Variants in FRAS1 observed in about 807,000 individuals in gnomAD.
The protein encoded by FRAS1 is Fraser extracellular matrix complex subunit 1.
A neutral mutation model predicts 435.2 loss-of-function variants in FRAS1; 290 were observed. The ratio of observed to expected loss-of-function variants is 0.67; its 90% confidence interval spans 0.61 to 0.73. FRAS1 has a LOEUF of 0.73. Among genes scored for constraint, FRAS1 ranks in the 30% least tolerant of loss-of-function variants. The pLI, the probability that FRAS1 is intolerant of heterozygous loss-of-function variation, is 0.00. For missense variants in FRAS1, 4,860 were observed against 5,001.5 expected, an observed-to-expected ratio of 0.97 and a Z score of 0.85; for synonymous variants, 1,800 against 1,851.0, an observed-to-expected ratio of 0.97 and a Z score of 0.71.
chr4:78,435,542 C>G (rs549052053), intron 38 of FRAS1, among the ~76,000 whole-genome samples: 3 of 152,254 alleles, frequency 2.0e-5, no homozygotes, highest in Admixed American at 2.0e-4. Context: ...AGTTTGAGAT[C>G]AGCCTGGCCA....
intron 20 of FRAS1, among the ~76,000 whole-genome samples, chr4:78,347,873 A>G (rs186175975): frequency 6.6e-4 from 99 of 150,648 alleles, no homozygotes; most frequent in Non-Finnish European, 1.2e-3. Context: ...TACCTTCCAC[A>G]GTGCCTCATA....
intron 4 of FRAS1, among the ~76,000 whole-genome samples, chr4:78,245,672 C>T (rs7690281): frequency 0.055 from 8,387 of 152,248 alleles, 304 homozygotes; most frequent in Non-Finnish European, 0.084. Context: ...GATGTTATTA[C>T]TCCCATGTTA....
At chr4:78,305,873 A>G (rs1266147831) in intron 14 of FRAS1, among the ~76,000 whole-genome samples, 1 of 150,524 alleles carries the variant, frequency 6.6e-6, no homozygotes, top group East Asian at 2.0e-4. Flanking sequence ...TTTAAAGTTA[A>G]TATTGTTATG....
intron 32 of FRAS1, 113 bp downstream of exon 32, chr4:78,413,198 A>G: frequency 1.8e-6 from 1 of 564,084 alleles, no homozygotes; most frequent in East Asian, 3.3e-5. Context: ...CCCAGATCAC[A>G]GACTTGGGGG....
intron 70 of FRAS1, among the ~76,000 whole-genome samples, chr4:78,532,441 T>C (rs1168010705): frequency 6.6e-6 from 1 of 152,198 alleles, no homozygotes; most frequent in Non-Finnish European, 1.5e-5. Flanking sequence ...TTGATACACA[T>C]AGTGAAATGA....
intron 2 of FRAS1, among the ~76,000 whole-genome samples, chr4:78,082,844 C>T (rs1006596932): frequency 6.6e-6 from 1 of 152,044 alleles, no homozygotes; most frequent in Non-Finnish European, 1.5e-5. Context: ...AATTAGCAGC[C>T]ATCTGATTTG....
Position 78,252,380 on chromosome 4 carries a change from C to G in FRAS1, c.310-12C>G, listed in dbSNP as rs1426151610. The G allele has an allele frequency of 6.2e-7, 1 of 1,608,032 alleles. No homozygotes were observed. Among genetic ancestry groups the G allele is most frequent in the East Asian group, 2.2e-5 (1 of 44,782 alleles). Reference sequence around the variant, plus strand: ...ACTAACCTTTTTTTTTTTCTGTCTCCCTAACACACAGCATGGGACAGAATG... The same window carrying G: ...ACTAACCTTTTTTTTTTTCTGTCTCGCTAACACACAGCATGGGACAGAATG... On this transcript the variant is annotated splice_polypyrimidine_tract_variant and intron_variant, in intron 4 of 73. Transcript: ENST00000512123.
At chr4:78,264,381 A>G (rs1279774700) in intron 6 of FRAS1, among the ~76,000 whole-genome samples, 1 of 152,240 alleles carries the variant, frequency 6.6e-6, no homozygotes, top group Admixed American at 6.5e-5. Flanking sequence ...GCTTATTCCC[A>G]GATACCTAGA....
chr4:78,157,744 T>A (rs1334205417), intron 2 of FRAS1, among the ~76,000 whole-genome samples: 9 of 152,226 alleles, frequency 5.9e-5, no homozygotes, highest in Admixed American at 5.9e-4. Flanking sequence ...TTGCAAATAT[T>A]TTCTCCCATT....
chr4:78,384,188 G>A, intron 28 of FRAS1, 45 bp downstream of exon 28: 2 of 1,264,760 alleles, frequency 1.6e-6, no homozygotes, highest in Non-Finnish European at 2.2e-6. Flanking sequence ...ATGACTACTA[G>A]TTCTCAAGCA....
chr4:78,365,745 A>AC (rs1338191824), intron 22 of FRAS1, among the ~76,000 whole-genome samples: 31 of 104,390 alleles, frequency 3.0e-4, no homozygotes, highest in Non-Finnish European at 4.5e-4. Flanking sequence ...ATTAAAAAAA[A>AC]AAAAACAAAA....
chr4:78,503,042 A>G (rs1241278019), intron 61 of FRAS1, among the ~76,000 whole-genome samples: 5 of 152,154 alleles, frequency 3.3e-5, no homozygotes, highest in Non-Finnish European at 5.9e-5. Flanking sequence ...TGTTGAACCA[A>G]CCTTGCATCC....
chr4:78,234,060 G>A (rs889313320), intron 2 of FRAS1, among the ~76,000 whole-genome samples: 8 of 152,262 alleles, frequency 5.3e-5, no homozygotes, highest in South Asian at 2.1e-4. Context: ...AGTGGGGAGC[G>A]TAAGTAAGTG....
intron 29 of FRAS1, among the ~76,000 whole-genome samples, chr4:78,394,712 T>G (rs1732587215): frequency 6.6e-6 from 1 of 152,072 alleles, no homozygotes; most frequent in African/African-American, 2.4e-5. Flanking sequence ...CATATGAATT[T>G]TAGGATTTGT....
At position 78,438,888 on chromosome 4, in the gene FRAS1, T is replaced by C; in HGVS notation, c.5367-14T>C. 1 of 1,589,320 alleles carries C rather than the reference T, an allele frequency of 6.3e-7. No homozygotes were observed. Among genetic ancestry groups the C allele is most frequent in the Non-Finnish European group, 8.5e-7 (1 of 1,171,542 alleles). ...TCGTGGCTTATTCATTTGATTCTTT[T>C]TGTTTTTTTATAGATACTCAGCTGT... On this transcript the variant is annotated splice_polypyrimidine_tract_variant and intron_variant, in intron 39 of 73. Transcript: ENST00000512123.
chr4:78,450,185 A>T lies in FRAS1; in HGVS notation c.6309A>T (p.Lys2103Asn). The change falls in exon 45 of 74, where the codon AAA (lysine) becomes AAT (asparagine). Residue 2103 changes from lysine to asparagine, a missense_variant. Transcript: ENST00000512123. ...CACGCATCACAGAACAGCACTTGAA[A>T]GTGACAGATATTGACTCAGATGACC... ...SVARITEQHL[K>N]VTDIDSDDHQ... The T allele has an allele frequency of 6.2e-7, 1 of 1,613,858 alleles. No homozygotes were observed. The highest frequency in any genetic ancestry group is 8.5e-7 in the Non-Finnish European group (1 of 1,179,792).
Position 78,317,357 on chromosome 4 carries a change from C to T in FRAS1, c.1820-11C>T, listed in dbSNP as rs117925872. 4.9e-5 allele frequency: 79 copies of T among 1,613,638 alleles called. No homozygotes were observed. The East Asian group carries it at 1.7e-3, about 35-fold the overall frequency. On this transcript the variant is annotated splice_polypyrimidine_tract_variant and intron_variant, in intron 16 of 73. Transcript: ENST00000512123. ...GTCCCATGGCGTTCTCCCTCTCACT[C>T]TCTTCCTCAGTTTGTCATAACTCAT...
intron 2 of FRAS1, among the ~76,000 whole-genome samples, chr4:78,189,481 A>G (rs1358236137): frequency 1.3e-5 from 2 of 152,212 alleles, no homozygotes; most frequent in Non-Finnish European, 2.9e-5. Context: ...TCAGTTCTTC[A>G]GGTTCAGAAC....
intron 20 of FRAS1, among the ~76,000 whole-genome samples, chr4:78,362,680 A>G (rs930688258): frequency 1.3e-5 from 2 of 152,154 alleles, no homozygotes; most frequent in African/African-American, 2.4e-5. Flanking sequence ...GGTGTCTGAG[A>G]AGAATGGGGT....
Sources: gnomAD v4.1 joint callset for allele counts (sites outside exome capture counted in the v4.1 genomes callset) on GRCh38, gnomAD v4.1.1 for gene constraint, MANE v1.5 for transcripts, NCBI Gene and HGNC (gene_info 2026-07-23, HGNC 2026-07-21) for gene names.